Variants in LSAMP observed in about 807,000 individuals in gnomAD.
LSAMP encodes limbic system associated membrane protein.
In LSAMP, 7 loss-of-function variants were observed where a neutral mutation model predicts 38.6. The observed-to-expected ratio is 0.18, with a 90% confidence interval of 0.10 to 0.34. LSAMP has a LOEUF of 0.34. Among genes scored for constraint, LSAMP ranks in the 10% least tolerant of loss-of-function variants. LSAMP has a pLI of 1.00. For missense variants in LSAMP, 313 were observed against 420.0 expected, an observed-to-expected ratio of 0.75 and a Z score of 2.23; for synonymous variants, 154 against 166.8, an observed-to-expected ratio of 0.92 and a Z score of 0.59.
intron 1 of LSAMP, among the ~76,000 whole-genome samples, chr3:116,163,730 C>CA (rs949497436): frequency 7.4e-4 from 111 of 150,402 alleles, no homozygotes; most frequent in African/African-American, 1.3e-3. Flanking sequence ...ACATCCTCTC[C>CA]AAAAAAAAGA....
chr3:116,023,012 C>T lies in LSAMP; in HGVS notation c.389-3372G>A, dbSNP rs145706464. ...CTTGACTGCTCTCTCCCCTTGACCA[C>T]ACTCATAAAAAATTGATCCTCATGT... On this transcript the variant is annotated intron_variant, in intron 2 of 6. Coordinates refer to ENST00000490035, the MANE Select transcript of LSAMP (RefSeq NM_002338.5). Among the ~76,000 whole-genome samples, 407 of 152,194 alleles carry T rather than the reference C, an allele frequency of 2.7e-3. 2 individuals carry two copies. Among genetic ancestry groups the T allele is most frequent in the Non-Finnish European group, 4.4e-3 (301 of 68,016 alleles).
chr3:115,932,108 A>T (rs180786792), intron 3 of LSAMP, among the ~76,000 whole-genome samples: 8 of 152,358 alleles, frequency 5.3e-5, no homozygotes, highest in Admixed American at 5.2e-4. Context: ...AGTACAAAAA[A>T]ATGCTTTGAT....
chr3:116,224,164 G>T (rs2046317894), intron 1 of LSAMP, among the ~76,000 whole-genome samples: 1 of 152,052 alleles, frequency 6.6e-6, no homozygotes, highest in Admixed American at 6.5e-5. Flanking sequence ...TCCCTACTAG[G>T]CTGCCAGGTT....
At chr3:116,133,945 A>G (rs542263369) in intron 1 of LSAMP, among the ~76,000 whole-genome samples, 1 of 152,282 alleles carries the variant, frequency 6.6e-6, no homozygotes, top group African/African-American at 2.4e-5. Context: ...GGCATGACCC[A>G]CATTAGTGAC....
At chr3:116,255,612 T>G (rs1223411143) in intron 1 of LSAMP, among the ~76,000 whole-genome samples, 1 of 152,182 alleles carries the variant, frequency 6.6e-6, no homozygotes, top group African/African-American at 2.4e-5. Context: ...CTCTTATTTT[T>G]AATACTTTGG....
Position 116,113,598 on chromosome 3 carries a change from T to G in LSAMP, c.156-27042A>C, listed in dbSNP as rs568169790. On this transcript the variant is annotated intron_variant, in intron 1 of 6. Transcript: ENST00000490035. ...CCGCCACTACGCCCGGCTAATTTTTTGTATTTTTAGTAGAGACGGGGTTTC... is the reference window on the plus strand; with the variant it reads ...CCGCCACTACGCCCGGCTAATTTTTGGTATTTTTAGTAGAGACGGGGTTTC... Among the ~76,000 whole-genome samples, 1,399 of 150,714 alleles carry G rather than the reference T, an allele frequency of 9.3e-3. 17 individuals are homozygous for G. The highest frequency in any genetic ancestry group is 0.031 in the African/African-American group (1,258 of 40,958).
intron 1 of LSAMP, among the ~76,000 whole-genome samples, chr3:116,149,639 A>C (rs1433877157): frequency 6.6e-6 from 1 of 151,928 alleles, no homozygotes; most frequent in African/African-American, 2.4e-5. Context: ...GGGGCTGGGC[A>C]GCTCAGCGTT....
chr3:115,970,910 T>A (rs191812453), intron 3 of LSAMP, among the ~76,000 whole-genome samples: 1 of 152,104 alleles, frequency 6.6e-6, no homozygotes, highest in Admixed American at 6.6e-5. Flanking sequence ...GTGTTAGGGG[T>A]TTTTTATAGT....
At chr3:116,207,371 G>A (rs1298509665) in intron 1 of LSAMP, among the ~76,000 whole-genome samples, 5 of 151,968 alleles carry the variant, frequency 3.3e-5, no homozygotes, top group Non-Finnish European at 7.4e-5. Flanking sequence ...TTGCCAGTCT[G>A]TGTCTTTTAA....
At chr3:116,357,642 A>C (rs549308518) in intron 1 of LSAMP, among the ~76,000 whole-genome samples, 1 of 152,358 alleles carries the variant, frequency 6.6e-6, no homozygotes, top group Non-Finnish European at 1.5e-5. Flanking sequence ...CTCCTCAAAG[A>C]GATGATCTAA....
chr3:116,335,675 C>T (rs186472088), intron 1 of LSAMP, among the ~76,000 whole-genome samples: 111 of 152,148 alleles, frequency 7.3e-4, no homozygotes, highest in African/African-American at 2.4e-3. Context: ...GGCAAACATG[C>T]GTTTGTCACA....
chr3:115,876,640 T>A (rs185631875), intron 3 of LSAMP, among the ~76,000 whole-genome samples: 18 of 152,200 alleles, frequency 1.2e-4, no homozygotes, highest in Admixed American at 1.2e-3. Flanking sequence ...GTCATCATGA[T>A]TTTACTCTTA....
chr3:115,810,335 G>A lies in LSAMP; in HGVS notation c.999C>T (p.Cys333=), dbSNP rs1480090204. The A allele has an allele frequency of 6.2e-7, 1 of 1,611,884 alleles. No individual in the cohort carries two copies. ...TATTCTATTAACATTTGCTGAGAAG[G>A]CAGAGCAGAGATGCTGCCAGCAGCC... ...PLWLLAASLL[C]LLSKC The change falls in exon 7 of 7, where the codon TGC becomes TGT. Residue 333 remains cysteine (C), a synonymous_variant. Transcript: ENST00000490035.
At chr3:116,266,646 A>G (rs1481744071) in intron 1 of LSAMP, among the ~76,000 whole-genome samples, 3 of 152,184 alleles carry the variant, frequency 2.0e-5, no homozygotes, top group Admixed American at 1.3e-4. Flanking sequence ...AGATTTGAGT[A>G]TATTAGTTTA....
At chr3:116,242,765 G>GAAA (rs143247824) in intron 1 of LSAMP, among the ~76,000 whole-genome samples, 155 of 144,670 alleles carry the variant, frequency 1.1e-3, no homozygotes, top group African/African-American at 3.7e-3. Flanking sequence ...TTTTAACATT[G>GAAA]AAAAAAAAAA....
At chr3:115,953,933 T>C (rs1938373688) in intron 3 of LSAMP, among the ~76,000 whole-genome samples, 1 of 152,176 alleles carries the variant, frequency 6.6e-6, no homozygotes. Context: ...TCAGGTCAAA[T>C]GTCTCGTTCT....
chr3:115,999,746 C>A (rs1939934221), intron 3 of LSAMP, among the ~76,000 whole-genome samples: 1 of 152,126 alleles, frequency 6.6e-6, no homozygotes, highest in South Asian at 2.1e-4. Flanking sequence ...GCTGTATGAG[C>A]ACAGTGGTTG....
At chr3:116,173,990 A>G (rs1294477812) in intron 1 of LSAMP, among the ~76,000 whole-genome samples, 2 of 151,952 alleles carry the variant, frequency 1.3e-5, no homozygotes, top group Admixed American at 6.6e-5. Context: ...CAACTCTGAC[A>G]GTTTAATTTC....
chr3:116,328,265 G>A, intron 1 of LSAMP, among the ~76,000 whole-genome samples: 1 of 152,128 alleles, frequency 6.6e-6, no homozygotes, highest in Non-Finnish European at 1.5e-5. Flanking sequence ...TTACAGCTAT[G>A]CTGTTCTTCT....
Sources: allele counts gnomAD v4.1 joint callset (sites outside exome capture counted in the v4.1 genomes callset), GRCh38; gene constraint gnomAD v4.1.1; transcripts MANE v1.5; gene names NCBI Gene and HGNC (gene_info 2026-07-23, HGNC 2026-07-21).